Variants in ADGRL3 observed in about 807,000 individuals in gnomAD.
ADGRL3 encodes the protein calcium-independent alpha-latrotoxin receptor 3.
In ADGRL3, 62 loss-of-function variants were observed where a neutral mutation model predicts 153.5. That is an observed-to-expected ratio of 0.40 (90% CI 0.33 to 0.50). The LOEUF is 0.50. ADGRL3 is among the 20% of genes least tolerant of loss of function. The pLI is 0.47. For missense variants in ADGRL3, 1,641 were observed against 1,859.4 expected (o/e 0.88, Z 2.16); for synonymous variants, 710 against 672.5 (o/e 1.06, Z -0.86).
chr4:61,529,160 T>C (rs2098596595), intron 4 of ADGRL3, among the ~76,000 whole-genome samples: 1 of 152,188 alleles, frequency 6.6e-6, no homozygotes, highest in Non-Finnish European at 1.5e-5. Context: ...ATTCTTGTTA[T>C]TGATGTTCAG....
At chr4:61,407,019 T>G (rs1252235884) in intron 2 of ADGRL3, among the ~76,000 whole-genome samples, 1 of 152,084 alleles carries the variant, frequency 6.6e-6, no homozygotes. Context: ...TTAGTCTGAT[T>G]TGTATAGGTC....
At chr4:61,400,042 A>G (rs1395022820) in intron 2 of ADGRL3, among the ~76,000 whole-genome samples, 2 of 151,930 alleles carry the variant, frequency 1.3e-5, no homozygotes, top group South Asian at 2.1e-4. Context: ...AATCAGCAAG[A>G]GAGCATATAT....
intron 8 of ADGRL3, among the ~76,000 whole-genome samples, chr4:61,780,398 G>A (rs2097200980): frequency 6.6e-6 from 1 of 152,146 alleles, no homozygotes. Context: ...GTTGGAGGCG[G>A]GAGAGGTGAA....
At chr4:61,557,847 A>G (rs1041751804) in intron 4 of ADGRL3, among the ~76,000 whole-genome samples, 3 of 151,488 alleles carry the variant, frequency 2.0e-5, no homozygotes, top group East Asian at 1.9e-4. Context: ...TACAAAGTAT[A>G]TTAGAGAACT....
chr4:61,381,601 G>A (rs1161750919), intron 1 of ADGRL3, among the ~76,000 whole-genome samples: 1 of 151,804 alleles, frequency 6.6e-6, no homozygotes, highest in Non-Finnish European at 1.5e-5. Context: ...ATGCTTGGAT[G>A]TCAGAATGTA....
rs537913670 is a variant in ADGRL3 at position 61,301,986 on chromosome 4, G to C, written c.-239-81138G>C. 5.3e-5 allele frequency among the ~76,000 whole-genome samples: 8 copies of C among 152,060 alleles called. 1 individual carries two copies. The South Asian group carries it at 1.7e-3, about 32-fold the overall frequency. ...TAACTTCCTAGAAATCAGTTCGAAG[G>C]GATCTATTAAACTGGGAATAATTGT... On this transcript the variant is annotated intron_variant, in intron 1 of 26. Coordinates refer to ENST00000683033, the MANE Select transcript of ADGRL3 (RefSeq NM_001387552.1).
intron 2 of ADGRL3, among the ~76,000 whole-genome samples, chr4:61,423,011 G>A (rs752074976): frequency 7.8e-4 from 118 of 152,212 alleles, no homozygotes; most frequent in Middle Eastern, 3.4e-3. Context: ...ATAAAGAGGT[G>A]GAGCTGAGAG....
chr4:61,613,990 TA>T (rs1190031987), intron 5 of ADGRL3, among the ~76,000 whole-genome samples: 11 of 152,158 alleles, frequency 7.2e-5, no homozygotes, highest in African/African-American at 2.7e-4. Flanking sequence ...ACTTTAGCGG[TA>T]AGGATGGTTA....
At chr4:61,693,414 C>G (rs533772336) in intron 6 of ADGRL3, among the ~76,000 whole-genome samples, 13 of 151,720 alleles carry the variant, frequency 8.6e-5, no homozygotes, top group African/African-American at 3.1e-4. Context: ...AGAACTCTAA[C>G]TGGTATGTCT....
chr4:61,222,027 T>G (rs1172105567), intron 1 of ADGRL3, among the ~76,000 whole-genome samples: 1 of 152,132 alleles, frequency 6.6e-6, no homozygotes, highest in East Asian at 1.9e-4. Flanking sequence ...AGGAAAGCCT[T>G]TCAGATTTCT....
At chr4:61,680,631 C>T (rs796716020) in intron 6 of ADGRL3, among the ~76,000 whole-genome samples, 12 of 151,864 alleles carry the variant, frequency 7.9e-5, no homozygotes, top group African/African-American at 2.4e-4. Context: ...AATTCTTGCA[C>T]GGAATTTTAG....
intron 4 of ADGRL3, among the ~76,000 whole-genome samples, chr4:61,567,974 G>A (rs2098823176): frequency 6.6e-6 from 1 of 152,124 alleles, no homozygotes; most frequent in African/African-American, 2.4e-5. Flanking sequence ...ATTATCTGAT[G>A]TCTTCCTCAT....
intron 2 of ADGRL3, among the ~76,000 whole-genome samples, chr4:61,455,261 G>A (rs2097721438): frequency 6.6e-6 from 1 of 152,140 alleles, no homozygotes; most frequent in South Asian, 2.1e-4. Context: ...AAATCAGTGG[G>A]AATAGCATCG....
At chr4:61,856,011 C>G (rs538306533) in intron 9 of ADGRL3, among the ~76,000 whole-genome samples, 1 of 152,210 alleles carries the variant, frequency 6.6e-6, no homozygotes, top group South Asian at 2.1e-4. Flanking sequence ...TTAAACATGT[C>G]TCACCATACC....
chr4:61,821,998 T>C (rs182828250), intron 9 of ADGRL3, among the ~76,000 whole-genome samples: 175 of 152,336 alleles, frequency 1.1e-3, no homozygotes, highest in African/African-American at 4.0e-3. Context: ...AATAGGAATG[T>C]CACATCTGGC....
At chr4:61,661,640 T>C (rs893364299) in intron 5 of ADGRL3, among the ~76,000 whole-genome samples, 4 of 152,130 alleles carry the variant, frequency 2.6e-5, no homozygotes, top group African/African-American at 7.2e-5. Context: ...ACAATATTAA[T>C]ATTGATTAAT....
intron 9 of ADGRL3, among the ~76,000 whole-genome samples, chr4:61,847,586 G>A (rs11731216): frequency 0.062 from 5,022 of 81,444 alleles, 234 homozygotes; most frequent in African/African-American, 0.13. Flanking sequence ...GTGTGTGTGT[G>A]TATATATATA....
At chr4:61,830,255 C>T (rs1156481578) in intron 9 of ADGRL3, among the ~76,000 whole-genome samples, 2 of 152,060 alleles carry the variant, frequency 1.3e-5, no homozygotes, top group African/African-American at 2.4e-5. Context: ...AGCCTAGCTA[C>T]TCAGGAGGCT....
chr4:61,563,275 C>A (rs2098803066), intron 4 of ADGRL3, among the ~76,000 whole-genome samples: 2 of 151,848 alleles, frequency 1.3e-5, no homozygotes, highest in African/African-American at 4.8e-5. Context: ...TTTTTTTTCT[C>A]TGAGAAGTAG....
Sources: allele counts gnomAD v4.1 joint callset (sites outside exome capture counted in the v4.1 genomes callset), GRCh38; gene constraint gnomAD v4.1.1; transcripts MANE v1.5; gene names NCBI Gene and HGNC (gene_info 2026-07-23, HGNC 2026-07-21).